The following TUSC3 variants were observed in gnomAD, a reference collection of about 807,000 sequenced individuals.
TUSC3 encodes the protein tumor suppressor candidate 3, also known as dolichyl-diphosphooligosaccharide--protein glycosyltransferase subunit TUSC3.
A neutral mutation model predicts 44.8 loss-of-function variants in TUSC3; 45 were observed. The ratio of observed to expected loss-of-function variants is 1.00; its 90% CI spans 0.79 to 1.29. The LOEUF (loss-of-function observed/expected upper bound fraction) is 1.29. Among genes scored for constraint, TUSC3 ranks in the 50% most tolerant of loss-of-function variants. The probability of loss-of-function intolerance (pLI) is 0.00; values close to 1 mark genes in which losing one functional copy is unlikely to be tolerated. For synonymous variants in TUSC3, 212 were observed against 152.9 expected (o/e 1.39, Z -2.85); for missense variants, 519 against 437.9 (o/e 1.19, Z -1.65).
At position 15,547,511 on chromosome 8, in the gene TUSC3, G is replaced by A. The variant is rs184904387; in HGVS notation, c.138+6943G>A. On this transcript the variant is annotated intron_variant, in intron 1 of 10. Coordinates refer to ENST00000503731, the MANE Select transcript of TUSC3 (RefSeq NM_006765.4). ...TAATGAACTTGGTGGTCGATAATAA[G>A]GCTTAAATTATATCAGGAAAATAAA... Among the ~76,000 whole-genome samples the A allele has an allele frequency of 2.6e-5, 4 of 151,502 alleles. No individual in the cohort carries two copies. In the East Asian group the frequency reaches 7.8e-4, roughly 30 times the overall value.
At position 15,455,288 on chromosome 8, in the gene TUSC3, G is replaced by A. The variant is rs115433878; in HGVS notation, n.92-28098G>A. On this transcript the variant is annotated intron_variant and non_coding_transcript_variant, in intron 1 of 5. Coordinates refer to the TUSC3 transcript ENST00000503191. Reference sequence around the variant, plus strand: ...GAAGCTTCTAATGTGGTTTTGTTTCGGGAGGCAAGAGAAAAGCCCTAACAT... The same window carrying A: ...GAAGCTTCTAATGTGGTTTTGTTTCAGGAGGCAAGAGAAAAGCCCTAACAT... 5.6e-3 allele frequency among the ~76,000 whole-genome samples: 848 copies of A among 152,186 alleles called. 5 individuals are homozygous for A. The highest frequency in any genetic ancestry group is 0.019 in the African/African-American group (780 of 41,510).
chr8:15,838,170 C>T, the TUSC3 span, among the ~76,000 whole-genome samples: 6 of 152,176 alleles, frequency 3.9e-5, no homozygotes, highest in South Asian at 4.1e-4. Context: ...TCTTCCTAGC[C>T]TGTGCACAGA....
At chr8:15,808,854 T>C in the TUSC3 span, among the ~76,000 whole-genome samples, 7 of 152,118 alleles carry the variant, frequency 4.6e-5, no homozygotes, top group African/African-American at 1.7e-4. Context: ...CCTACACAGG[T>C]TGTCTTTTTT....
At chr8:15,661,747 A>G (rs1407301109) in intron 4 of TUSC3, among the ~76,000 whole-genome samples, 2 of 151,946 alleles carry the variant, frequency 1.3e-5, no homozygotes, top group Admixed American at 6.6e-5. Flanking sequence ...AGCACACAGA[A>G]TGGGGGAAAA....
the TUSC3 span, among the ~76,000 whole-genome samples, chr8:15,830,566 T>C: frequency 6.6e-6 from 1 of 152,210 alleles, no homozygotes. Flanking sequence ...TACCATGGAA[T>C]ACTATGCAGC....
intron 2 of TUSC3, among the ~76,000 whole-genome samples, chr8:15,505,493 A>G (rs941718654): frequency 2.8e-4 from 43 of 152,208 alleles, no homozygotes; most frequent in African/African-American, 8.9e-4. Flanking sequence ...CCAGCAGGGA[A>G]CATCTGTACG....
intron 1 of TUSC3, among the ~76,000 whole-genome samples, chr8:15,437,828 T>A (rs975705703): frequency 2.0e-5 from 3 of 152,136 alleles, no homozygotes; most frequent in African/African-American, 7.2e-5. Context: ...TCAGAACACC[T>A]GCACTGAGAT....
At chr8:15,784,623 A>C in the TUSC3 span, among the ~76,000 whole-genome samples, 4 of 152,190 alleles carry the variant, frequency 2.6e-5, no homozygotes, top group East Asian at 5.8e-4. Flanking sequence ...AACAGAGATG[A>C]ATCTAGAGGA....
chr8:15,843,486 A>C, the TUSC3 span, among the ~76,000 whole-genome samples: 173 of 152,014 alleles, frequency 1.1e-3, no homozygotes, highest in African/African-American at 4.0e-3. Flanking sequence ...TGGGTGTCTC[A>C]GATTCTTAGG....
intron 1 of TUSC3, among the ~76,000 whole-genome samples, chr8:15,453,539 A>C (rs1800219469): frequency 6.6e-6 from 1 of 152,180 alleles, no homozygotes; most frequent in South Asian, 2.1e-4. Context: ...TTATCAAATC[A>C]CTTTCTTCTC....
intron 1 of TUSC3, among the ~76,000 whole-genome samples, chr8:15,452,716 C>T (rs929315565): frequency 4.6e-5 from 7 of 152,146 alleles, no homozygotes; most frequent in African/African-American, 1.7e-4. Context: ...TATCACCAGA[C>T]CCTGGGCTGA....
chr8:15,506,642 G>C (rs971413923), intron 2 of TUSC3, among the ~76,000 whole-genome samples: 6 of 152,116 alleles, frequency 3.9e-5, no homozygotes, highest in African/African-American at 1.4e-4. Flanking sequence ...TGTGTGCAGG[G>C]GAAGTGCCTT....
At chr8:15,833,797 T>A in the TUSC3 span, among the ~76,000 whole-genome samples, 2 of 151,960 alleles carry the variant, frequency 1.3e-5, no homozygotes, top group African/African-American at 4.8e-5. Flanking sequence ...TGTTACAAGT[T>A]TACCTATATA....
chr8:15,581,324 A>G (rs1287513756), intron 1 of TUSC3, among the ~76,000 whole-genome samples: 2 of 149,198 alleles, frequency 1.3e-5, no homozygotes, highest in East Asian at 3.9e-4. Context: ...AGCTCGTCAA[A>G]GTCATTCTCC....
At chr8:15,533,159 G>T (rs570527135) in intron 2 of TUSC3, among the ~76,000 whole-genome samples, 1 of 152,158 alleles carries the variant, frequency 6.6e-6, no homozygotes, top group Admixed American at 6.5e-5. Flanking sequence ...CACCATCCAC[G>T]TAAGATGTGA....
chr8:15,659,957 A>T (rs1807345737), intron 4 of TUSC3, among the ~76,000 whole-genome samples: 1 of 152,090 alleles, frequency 6.6e-6, no homozygotes, highest in African/African-American at 2.4e-5. Flanking sequence ...ATTAAAAAGC[A>T]AGATATATAA....
Position 15,540,470 on chromosome 8 carries a change from G to C in TUSC3, c.40G>C (p.Gly14Arg). 1 of 1,607,158 alleles carries C rather than the reference G, an allele frequency of 6.2e-7. No homozygotes were observed. Among genetic ancestry groups the C allele is most frequent in the Non-Finnish European group, 8.5e-7 (1 of 1,177,604 alleles). ...CGCTCCTTCACGCCGTAGGCAAGCG[G>C]GGCGGCGGCTGCGGTACCTGCCCAC... ...RGAPSRRRQA[G>R]RRLRYLPTGS... Residue 14 changes from glycine (G) to arginine (R), a missense_variant, in exon 1 of 11, where the codon GGG becomes CGG. Physicochemically the swap from Gly to Arg is moderately radical, Grantham distance 125 (BLOSUM62 -2). Coordinates refer to ENST00000503731, the MANE Select transcript of TUSC3 (RefSeq NM_006765.4).
chr8:15,704,160 A>C lies in TUSC3; in HGVS notation c.799-26506A>C, dbSNP rs560495830. On this transcript the variant is annotated intron_variant, in intron 6 of 10. Transcript: ENST00000503731. ...AGGCCTATCTGAAAAGAAGTCATTT[A>C]AGCAGAGACCTGAAGGAAATGAGAG... is the stretch of plus-strand genomic sequence containing the variant. 3.3e-5 allele frequency among the ~76,000 whole-genome samples: 5 copies of C among 152,154 alleles called. No individual in the cohort carries two copies. The East Asian group carries it at 5.8e-4, about 18-fold the overall frequency.
intron 2 of TUSC3, among the ~76,000 whole-genome samples, chr8:15,627,922 C>T (rs1805588993): frequency 6.6e-6 from 1 of 152,184 alleles, no homozygotes; most frequent in Non-Finnish European, 1.5e-5. Flanking sequence ...AAAACGAATC[C>T]AGTGGGCCAG....
Sources: allele counts gnomAD v4.1 joint callset (sites outside exome capture counted in the v4.1 genomes callset), GRCh38; gene constraint gnomAD v4.1.1; transcripts MANE v1.5; gene names NCBI Gene and HGNC (gene_info 2026-07-23, HGNC 2026-07-21).